The following ANKRD30BL variants were observed in gnomAD, a reference collection of about 807,000 sequenced individuals.
The protein encoded by ANKRD30BL is ankyrin repeat domain 30B like, also known as putative ankyrin repeat domain-containing protein 30B-like.
Under a neutral mutation model 18.4 loss-of-function variants are expected in ANKRD30BL, and 20 were observed. The observed-to-expected ratio is 1.09, with a 90% CI of 0.77 to 1.58. ANKRD30BL has a LOEUF of 1.58. Ranked by LOEUF, ANKRD30BL falls within the 40% of genes most tolerant of loss-of-function variation. ANKRD30BL has a pLI of 0.00. For missense variants in ANKRD30BL, 224 were observed against 268.6 expected (o/e 0.83, Z 1.16); for synonymous variants, 72 against 100.9 (o/e 0.71, Z 1.72).
chr2:132,232,891 A>T (rs1417210280), intron 1 of ANKRD30BL, among the ~76,000 whole-genome samples: 2 of 152,072 alleles, frequency 1.3e-5, no homozygotes, highest in Admixed American at 6.6e-5. Flanking sequence ...TGTCAGATTC[A>T]TCAAAGTTGA....
At chr2:132,189,200 C>T (rs80031450) in intron 1 of ANKRD30BL, among the ~76,000 whole-genome samples, 6 of 152,154 alleles carry the variant, frequency 3.9e-5, no homozygotes, top group African/African-American at 1.4e-4. Context: ...GAAATTTTAT[C>T]GGCACATTTA....
rs139259617 is a variant in ANKRD30BL, at chr2:132,231,273, C to T, written n.441+26256G>A. Among the ~76,000 whole-genome samples, 133 of 152,294 alleles carry T rather than the reference C, an allele frequency of 8.7e-4. 1 individual carries two copies. The highest frequency in any genetic ancestry group is 6.8e-3 in the Middle Eastern group (2 of 294). On this transcript the variant is annotated intron_variant and non_coding_transcript_variant, in intron 1 of 4. Coordinates refer to the ANKRD30BL transcript ENST00000470729. ...TTGAACCTGTCTTTTTGAAGAAATG[C>T]AAATGGATATTTGGACCGCTTTGAG...
chr2:132,242,523 GT>G (rs1680367233), intron 1 of ANKRD30BL, among the ~76,000 whole-genome samples: 1 of 147,020 alleles, frequency 6.8e-6, no homozygotes. Flanking sequence ...GTGGCCTATG[GT>G]GAAAAAGGAA....
At chr2:132,254,349 A>G (rs1680760849) in intron 1 of ANKRD30BL, among the ~76,000 whole-genome samples, 2 of 152,176 alleles carry the variant, frequency 1.3e-5, no homozygotes, top group African/African-American at 4.8e-5. Flanking sequence ...TTCTCTGTTA[A>G]TGATCCCTCC....
intron 1 of ANKRD30BL, among the ~76,000 whole-genome samples, chr2:132,206,978 T>C (rs1013963728): frequency 6.6e-6 from 1 of 152,200 alleles, no homozygotes; most frequent in African/African-American, 2.4e-5. Flanking sequence ...CGTCTCTGTT[T>C]CCTCTTCCCT....
intron 1 of ANKRD30BL, among the ~76,000 whole-genome samples, chr2:132,229,611 C>T (rs10183687): frequency 0.039 from 5,911 of 151,896 alleles, 403 homozygotes; most frequent in African/African-American, 0.13. Context: ...TCGTTGGAAA[C>T]GGGAATATCT....
intron 1 of ANKRD30BL, among the ~76,000 whole-genome samples, chr2:132,221,933 C>A (rs866450233): frequency 1.7e-5 from 2 of 118,478 alleles, no homozygotes; most frequent in East Asian, 5.6e-4. Flanking sequence ...ATCAGCCCCC[C>A]GCCTGGCCAG....
At chr2:132,165,862 G>GA (rs952071495), upstream of ANKRD30BL, among the ~76,000 whole-genome samples, 19 of 145,924 alleles carry the variant, frequency 1.3e-4, no homozygotes, top group East Asian at 6.0e-4. Context: ...AGTGGTGAAA[G>GA]AAAAAAAAAC....
At chr2:132,199,353 C>T (rs575455095) in intron 1 of ANKRD30BL, among the ~76,000 whole-genome samples, 14 of 151,942 alleles carry the variant, frequency 9.2e-5, no homozygotes, top group East Asian at 3.9e-4. Context: ...AGCAAGACTC[C>T]GTCTCAAATA....
chr2:132,196,349 A>AGGAGAG, intron 1 of ANKRD30BL, among the ~76,000 whole-genome samples: 1 of 152,120 alleles, frequency 6.6e-6, no homozygotes, highest in Middle Eastern at 3.4e-3. Context: ...CAGCTACTCC[A>AGGAGAG]GAGGCTGAGG....
intron 1 of ANKRD30BL, among the ~76,000 whole-genome samples, chr2:132,225,656 G>T (rs1170052882): frequency 6.6e-6 from 1 of 151,804 alleles, no homozygotes; most frequent in Non-Finnish European, 1.5e-5. Context: ...TTGGAAATGG[G>T]AATATCTTCA....
intron 1 of ANKRD30BL, among the ~76,000 whole-genome samples, chr2:132,209,777 GT>G (rs1417460754): frequency 2.0e-5 from 3 of 152,144 alleles, no homozygotes; most frequent in African/African-American, 7.2e-5. Context: ...TGATTGAGCA[GT>G]TTTGAAACAA....
chr2:132,154,116 C>T (rs1213932631), intron 4 of ANKRD30BL, among the ~76,000 whole-genome samples: 1 of 151,986 alleles, frequency 6.6e-6, no homozygotes, highest in Admixed American at 6.6e-5. Flanking sequence ...CAGGCTTGTG[C>T]CACCATGGTT....
chr2:132,170,320 G>A (rs1314677816), intron 1 of ANKRD30BL, among the ~76,000 whole-genome samples: 1 of 151,938 alleles, frequency 6.6e-6, no homozygotes, highest in African/African-American at 2.4e-5. Flanking sequence ...TGGGCAAAAG[G>A]GAAAAAAAGG....
intron 1 of ANKRD30BL, among the ~76,000 whole-genome samples, chr2:132,180,585 T>TCA (rs1688443515): frequency 6.6e-6 from 1 of 151,904 alleles, no homozygotes; most frequent in Non-Finnish European, 1.5e-5. Context: ...CTCACTACAA[T>TCA]CTTACCCAGA....
Position 132,180,864 on chromosome 2 carries a change from T to C in ANKRD30BL, n.442-23718A>G, listed in dbSNP as rs1688448188. ...TTGATTAACGTTATAAAGTGAGGGA[T>C]AGTCCAGGCGAGGTGGCTTATGCCT... On this transcript the variant is annotated intron_variant and non_coding_transcript_variant, in intron 1 of 4. Coordinates refer to the ANKRD30BL transcript ENST00000470729. 2.0e-5 allele frequency among the ~76,000 whole-genome samples: 3 copies of C among 152,088 alleles called. No individual in the cohort carries two copies. In the South Asian group the frequency reaches 6.2e-4, roughly 32 times the overall value.
chr2:132,256,859 C>G lies in ANKRD30BL; in HGVS notation n.441+670G>C, dbSNP rs112385657. 6 of 425,600 alleles carry G rather than the reference C, an allele frequency of 1.4e-5. 1 individual carries two copies. Among genetic ancestry groups the G allele is most frequent in the Non-Finnish European group, 2.8e-5 (6 of 214,260 alleles). The allele number at this position is 425,600 out of a possible 1,614,324, so 26.4% of individuals were successfully genotyped here. A position where few individuals can be genotyped will look rare whatever the true frequency, so the allele number is the denominator to read the frequency against. ...GCCACCACAGCCTAAGGCGGTGAGC[C>G]GCTCGGGGAGAGAGGATCCGCGGGC... is the stretch of plus-strand genomic sequence containing the variant. On this transcript the variant is annotated intron_variant and non_coding_transcript_variant, in intron 1 of 4. Transcript: ENST00000470729.
At chr2:132,173,687 C>A (rs1032365087) in intron 1 of ANKRD30BL, among the ~76,000 whole-genome samples, 1 of 151,934 alleles carries the variant, frequency 6.6e-6, no homozygotes, top group African/African-American at 2.4e-5. Context: ...GTTCTTGGAA[C>A]CAGCTTTCCG....
At chr2:132,182,650 A>G (rs1688490192) in intron 1 of ANKRD30BL, among the ~76,000 whole-genome samples, 1 of 152,196 alleles carries the variant, frequency 6.6e-6, no homozygotes. Context: ...AATGCATGCT[A>G]ACTTCTTATC....
Sources: allele counts gnomAD v4.1 joint callset (sites outside exome capture counted in the v4.1 genomes callset), GRCh38; gene constraint gnomAD v4.1.1; transcripts MANE v1.5; gene names NCBI Gene and HGNC (gene_info 2026-07-23, HGNC 2026-07-21).